TMCO1: variants seen among roughly 807,000 people sequenced by gnomAD.
The protein encoded by TMCO1 is transmembrane and coiled-coil domains 1, also known as calcium load-activated calcium channel.
A neutral mutation model predicts 29.3 loss-of-function variants in TMCO1; 29 were observed. The ratio of observed to expected loss-of-function variants is 0.99; its 90% CI spans 0.74 to 1.35. TMCO1 has a LOEUF of 1.35. Ranked by LOEUF, TMCO1 falls within the 40% of genes most tolerant of loss-of-function variation. The pLI, the probability that TMCO1 is intolerant of heterozygous loss-of-function variation, is 0.00. For synonymous variants in TMCO1, 80 were observed against 77.1 expected, an observed-to-expected ratio of 1.04 and a Z score of -0.20; for missense variants, 173 against 225.5, an observed-to-expected ratio of 0.77 and a Z score of 1.49.
intron 2 of TMCO1, among the ~76,000 whole-genome samples, chr1:165,767,542 T>A (rs1652617362): frequency 6.6e-6 from 1 of 152,246 alleles, no homozygotes; most frequent in African/African-American, 2.4e-5. Flanking sequence ...GATTTCCATA[T>A]TTTTGCTCAT....
chr1:165,739,525 G>C (rs73020543), intron 6 of TMCO1, among the ~76,000 whole-genome samples: 2,013 of 152,022 alleles, frequency 0.013, 52 homozygotes, highest in African/African-American at 0.047. Flanking sequence ...GTAGCTGGGA[G>C]TAGAGGCATG....
chr1:165,740,427 G>C (rs945252107), intron 6 of TMCO1, among the ~76,000 whole-genome samples: 4 of 151,656 alleles, frequency 2.6e-5, no homozygotes, highest in African/African-American at 9.7e-5. Context: ...GGATGGTCTC[G>C]ATCTCCTGAC....
Position 165,728,108 on chromosome 1 carries a change from A to G in TMCO1, c.482T>C (p.Ile161Thr). 1 of 1,607,772 alleles carries G rather than the reference A, an allele frequency of 6.2e-7. No individual in the cohort carries two copies. Among genetic ancestry groups the G allele is most frequent in the Non-Finnish European group, 8.5e-7 (1 of 1,175,970 alleles). The change falls in exon 7 of 7, where the codon ATT (isoleucine) becomes ACT (threonine). Residue 161 changes from isoleucine to threonine, a missense_variant. Ile to Thr is a moderately conservative substitution (Grantham distance 89). Transcript: ENST00000367881. ...TMSIRQNIQK[I>T]LGLAPSRAAT... ...GGCTCGTGAAGGGGCAAGGCCGAGAATCTTCTGAATGTTCTGTGAAGAAAG... is the reference window on the plus strand; with the variant it reads ...GGCTCGTGAAGGGGCAAGGCCGAGAGTCTTCTGAATGTTCTGTGAAGAAAG...
In TMCO1 at chr1:165,768,773, T is replaced by G; in HGVS notation, c.-22A>C. 1.2e-6 allele frequency: 2 copies of G among 1,613,922 alleles called. No homozygotes were observed. The highest frequency in any genetic ancestry group is 1.7e-6 in the Non-Finnish European group (2 of 1,179,962). On this transcript the variant is annotated 5_prime_UTR_variant, in exon 1 of 7. Coordinates refer to ENST00000367881, the MANE Select transcript of TMCO1 (RefSeq NM_019026.6). ...TCATCTCGCACCTTCGTCTCTGCAC[T>G]CTCACCCGCCAGGGGGAAAGCGCTC...
intron 3 of TMCO1, among the ~76,000 whole-genome samples, chr1:165,757,912 G>C (rs1167103047): frequency 1.3e-5 from 2 of 152,148 alleles, no homozygotes; most frequent in Non-Finnish European, 2.9e-5. Flanking sequence ...GCCAATTTAA[G>C]GACAGAGGAT....
chr1:165,752,294 T>G (rs577791897), intron 4 of TMCO1, 125 bp from the exon 5 acceptor site: 1 of 726,118 alleles, frequency 1.4e-6, no homozygotes, highest in Non-Finnish European at 2.3e-6. Flanking sequence ...TTGCTCTGTC[T>G]CCCAGGCTGG....
intron 6 of TMCO1, among the ~76,000 whole-genome samples, chr1:165,731,032 A>T (rs576161865): frequency 5.9e-5 from 9 of 151,766 alleles, no homozygotes; most frequent in Admixed American, 5.3e-4. Flanking sequence ...CCCGAGTAGC[A>T]GGGAATACAG....
Position 165,743,096 on chromosome 1 carries a change from T to TA in TMCO1, c.468+70dup, listed in dbSNP as rs1193209128. ...CAATGGGTAAACATTTCTAGTATTA[T>TA]AAAAGTAAAAGCTAATTGGTATGAC... On this transcript the variant is annotated intron_variant, in intron 6 of 6. Transcript: ENST00000367881. The TA allele has an allele frequency of 3.8e-6, 6 of 1,558,704 alleles. No individual in the cohort carries two copies. In the East Asian group the frequency reaches 1.3e-4, roughly 35 times the overall value.
intron 6 of TMCO1, among the ~76,000 whole-genome samples, chr1:165,730,381 A>G (rs1651106645): frequency 6.6e-6 from 1 of 152,048 alleles, no homozygotes; most frequent in Non-Finnish European, 1.5e-5. Context: ...ATGTGTATTG[A>G]GGTAACACTG....
intron 2 of TMCO1, among the ~76,000 whole-genome samples, chr1:165,766,562 A>AG (rs1416648357): frequency 3.3e-5 from 5 of 152,084 alleles, no homozygotes; most frequent in Admixed American, 2.6e-4. Context: ...CCTAGCCGGG[A>AG]GGATCGCTTG....
intron 6 of TMCO1, among the ~76,000 whole-genome samples, chr1:165,729,319 CTTTT>C (rs11298819): frequency 7.5e-6 from 1 of 133,790 alleles, no homozygotes. Context: ...TCTCATAATT[CTTTT>C]TTTTTTTTTT....
At chr1:165,742,589 C>T (rs1476637375) in intron 6 of TMCO1, among the ~76,000 whole-genome samples, 3 of 152,158 alleles carry the variant, frequency 2.0e-5, no homozygotes, top group Non-Finnish European at 4.4e-5. Flanking sequence ...AGGCCCATCT[C>T]GAAAGCCACT....
chr1:165,724,547 TCCCA>T (rs1309471024), downstream of TMCO1: 6 of 453,942 alleles, frequency 1.3e-5, no homozygotes, highest in East Asian at 4.2e-4. Flanking sequence ...AGATGCAAAT[TCCCA>T]GACTCCACAG....
intron 5 of TMCO1, among the ~76,000 whole-genome samples, 160 bp from the exon 6 acceptor site, chr1:165,743,471 G>C (rs73022516): frequency 0.013 from 2,016 of 152,176 alleles, 52 homozygotes; most frequent in African/African-American, 0.047. Context: ...CCTGATGTAC[G>C]GTGATGTAAA....
At chr1:165,764,016 G>T (rs1345568044) in intron 2 of TMCO1, among the ~76,000 whole-genome samples, 1 of 152,170 alleles carries the variant, frequency 6.6e-6, no homozygotes, top group African/African-American at 2.4e-5. Flanking sequence ...AGGCAATATT[G>T]TAGATACCAG....
chr1:165,753,765 C>T (rs1321015158), intron 4 of TMCO1, among the ~76,000 whole-genome samples: 10 of 152,158 alleles, frequency 6.6e-5, no homozygotes, highest in Non-Finnish European at 1.0e-4. Context: ...GAGCTCTGAT[C>T]GTGCTACTGC....
rs1451157875 is a variant in TMCO1 at position 165,727,416 on chromosome 1, A to G, written c.*607T>C. ...TACACCAAGACAACTCTGTATTTTG[A>G]GTATATGAGTCAAGTATGGCAAAAA... On this transcript the variant is annotated 3_prime_UTR_variant, in exon 7 of 7. Coordinates refer to ENST00000367881, the MANE Select transcript of TMCO1 (RefSeq NM_019026.6). 1 of 453,942 alleles carries G rather than the reference A, an allele frequency of 2.2e-6. No individual in the cohort carries two copies. Among genetic ancestry groups the G allele is most frequent in the African/African-American group, 2.0e-5 (1 of 49,986 alleles). 28.1% of individuals were successfully genotyped at this position (453,942 alleles called of 1,614,324 possible). A position where few individuals can be genotyped will look rare whatever the true frequency, so the allele number is the denominator to read the frequency against.
intron 6 of TMCO1, among the ~76,000 whole-genome samples, chr1:165,739,592 T>C (rs1452489179): frequency 1.3e-5 from 2 of 152,140 alleles, no homozygotes; most frequent in East Asian, 1.9e-4. Flanking sequence ...TCTCACCATG[T>C]TTCCCAGGCT....
intron 6 of TMCO1, among the ~76,000 whole-genome samples, chr1:165,735,711 C>A (rs930205857): frequency 1.3e-5 from 2 of 152,026 alleles, no homozygotes; most frequent in Non-Finnish European, 2.9e-5. Flanking sequence ...GACGGGGTTT[C>A]AACATGTTGG....
Sources: gnomAD v4.1 joint callset for allele counts (sites outside exome capture counted in the v4.1 genomes callset) on GRCh38, gnomAD v4.1.1 for gene constraint, MANE v1.5 for transcripts, NCBI Gene and HGNC (gene_info 2026-07-23, HGNC 2026-07-21) for gene names.